The following ITM2B variants were observed in gnomAD, a reference collection of about 807,000 sequenced individuals.
The protein encoded by ITM2B is ABri/ADan amyloid peptide.
A neutral mutation model predicts 27.8 loss-of-function variants in ITM2B; 11 were observed. The ratio of observed to expected loss-of-function variants is 0.40; its 90% confidence interval spans 0.25 to 0.66. The LOEUF is 0.66. ITM2B is among the 30% of genes least tolerant of loss of function. The pLI is 0.43. For missense variants in ITM2B, 296 were observed against 328.9 expected, an observed-to-expected ratio of 0.90 and a Z score of 0.77; for synonymous variants, 114 against 114.3, an observed-to-expected ratio of 1.00 and a Z score of 0.02.
intron 3 of ITM2B, 57 bp downstream of exon 3, chr13:48,256,440 T>C: frequency 7.6e-7 from 1 of 1,312,372 alleles, no homozygotes; most frequent in Non-Finnish European, 1.1e-6. Context: ...TTATGCTTTT[T>C]GTAGTTTTAA....
At position 48,258,727 on chromosome 13, in the gene ITM2B, G is replaced by GTCTTGTT. The variant is rs949370455; in HGVS notation, c.565-66_565-60dup. 7.7e-6 allele frequency: 11 copies of GTCTTGTT among 1,419,578 alleles called. No homozygotes were observed. In the African/African-American group the frequency reaches 1.5e-4, roughly 20 times the overall value. The allele number at this position is 1,419,578 out of a possible 1,614,324, so 87.9% of individuals were successfully genotyped here. On this transcript the variant is annotated intron_variant, in intron 4 of 5. Transcript: ENST00000647800. ...CCATACCATAATGTGTAAGAATTTT[G>GTCTTGTT]TCTTGTTTCTCTAGTCTACTCAGTG... is the stretch of plus-strand genomic sequence containing the variant.
intron 1 of ITM2B, among the ~76,000 whole-genome samples, chr13:48,245,157 C>T (rs1214953526): frequency 1.3e-5 from 2 of 152,140 alleles, no homozygotes; most frequent in East Asian, 3.9e-4. Flanking sequence ...GAGATCCCGT[C>T]TCTACTGAAA....
At chr13:48,251,310 C>T (rs1951754724) in intron 1 of ITM2B, among the ~76,000 whole-genome samples, 1 of 152,208 alleles carries the variant, frequency 6.6e-6, no homozygotes, top group Admixed American at 6.5e-5. Context: ...TGTCCTTTAA[C>T]ATTCCACTAA....
chr13:48,247,949 T>C (rs184386391), intron 1 of ITM2B, among the ~76,000 whole-genome samples: 4 of 152,196 alleles, frequency 2.6e-5, no homozygotes, highest in Admixed American at 2.6e-4. Context: ...CTGTGGGAGT[T>C]CTGTTACCTT....
chr13:48,258,906 A>G lies in ITM2B; in HGVS notation c.674A>G (p.Asp225Gly). 1 of 1,613,588 alleles carries G rather than the reference A, an allele frequency of 6.2e-7. No homozygotes were observed. Among genetic ancestry groups the G allele is most frequent in the Non-Finnish European group, 8.5e-7 (1 of 1,179,538 alleles). Residue 225 changes from aspartate (D) to glycine (G), a missense_variant, in exon 5 of 6, where the codon GAC becomes GGC. Asp to Gly is a moderately conservative substitution (Grantham distance 94). Transcript: ENST00000647800. Reference protein sequence around the residue: ...LGFFIYRLCHDKETYKLQRRE... With the variant: ...LGFFIYRLCHGKETYKLQRRE... ...TTCTTTATTTATCGACTGTGTCATG[A>G]CAAGGAAACTTACAAACTGCAACGC...
In ITM2B at chr13:48,251,716, C is replaced by T. The variant is rs544609124; in HGVS notation, c.118-2092C>T. ...TGGGTGTGTGCGCACATTTGGCTGTCCCAGCAGCTGATACCAAATGTTGGA... is the reference window on the plus strand; with the variant it reads ...TGGGTGTGTGCGCACATTTGGCTGTTCCAGCAGCTGATACCAAATGTTGGA... On this transcript the variant is annotated intron_variant, in intron 1 of 5. Coordinates refer to ENST00000647800, the MANE Select transcript of ITM2B (RefSeq NM_021999.5). Among the ~76,000 whole-genome samples, 76 of 152,216 alleles carry T rather than the reference C, an allele frequency of 5.0e-4. No individual in the cohort carries two copies. The South Asian group carries it at 0.015, about 29-fold the overall frequency.
chr13:48,234,767 A>G (rs1407038859), intron 1 of ITM2B, among the ~76,000 whole-genome samples: 1 of 152,210 alleles, frequency 6.6e-6, no homozygotes, highest in African/African-American at 2.4e-5. Context: ...GCCTTGAAAT[A>G]GGAACAGTGA....
intron 1 of ITM2B, among the ~76,000 whole-genome samples, chr13:48,236,568 G>A (rs7981861): frequency 1.6e-3 from 245 of 152,300 alleles, no homozygotes; most frequent in African/African-American, 5.6e-3. Context: ...GTGAAAAATA[G>A]CAACTACCTC....
At chr13:48,245,097 G>A (rs1239363500) in intron 1 of ITM2B, among the ~76,000 whole-genome samples, 2 of 152,114 alleles carry the variant, frequency 1.3e-5, no homozygotes, top group Non-Finnish European at 2.9e-5. Flanking sequence ...AGGCTGAGGC[G>A]GGCGGATCAC....
At chr13:48,236,782 C>T (rs1054037035) in intron 1 of ITM2B, among the ~76,000 whole-genome samples, 2 of 152,196 alleles carry the variant, frequency 1.3e-5, no homozygotes, top group Non-Finnish European at 2.9e-5. Flanking sequence ...TATGAAACCC[C>T]TTTTCCAGTA....
intron 1 of ITM2B, among the ~76,000 whole-genome samples, chr13:48,236,591 A>G (rs1267990084): frequency 6.6e-6 from 1 of 152,232 alleles, no homozygotes; most frequent in Non-Finnish European, 1.5e-5. Flanking sequence ...CACTCTAACC[A>G]GACTATTCCC....
Position 48,264,483 on chromosome 13 carries a change from A to G in ITM2B, c.*3259A>G, listed in dbSNP as rs9535000. The G allele has an allele frequency of 0.19, 28,631 of 152,138 alleles. 3,171 individuals are homozygous for G. The highest frequency in any genetic ancestry group is 0.25 in the Non-Finnish European group (16,750 of 67,982). The allele number at this position is 152,138 out of a possible 1,614,324, so 9.4% of individuals were successfully genotyped here. A position where few individuals can be genotyped will look rare whatever the true frequency, so the allele number is the denominator to read the frequency against. ...GAAAAGGTCTAGATTCTATGTTTGAATGTGGTTATGAATTAATATGGGCAG... is the reference window on the plus strand; with the variant it reads ...GAAAAGGTCTAGATTCTATGTTTGAGTGTGGTTATGAATTAATATGGGCAG... On this transcript the variant is annotated 3_prime_UTR_variant, in exon 6 of 6. Coordinates refer to ENST00000647800, the MANE Select transcript of ITM2B (RefSeq NM_021999.5).
chr13:48,235,081 G>C (rs1295723615), intron 1 of ITM2B, among the ~76,000 whole-genome samples: 2 of 152,118 alleles, frequency 1.3e-5, no homozygotes, highest in Non-Finnish European at 2.9e-5. Context: ...ATTTAGAAAG[G>C]AGAGAGTGAG....
Position 48,261,515 on chromosome 13 carries a change from T to C in ITM2B, c.*291T>C. 1 of 240,290 alleles carries C rather than the reference T, an allele frequency of 4.2e-6. No individual in the cohort carries two copies. Among genetic ancestry groups the C allele is most frequent in the Non-Finnish European group, 8.1e-6 (1 of 123,494 alleles). 14.9% of individuals were successfully genotyped at this position (240,290 alleles called of 1,614,324 possible). Reference sequence around the variant, plus strand: ...ATTTCTTTAAATCATTTATCTGGATTTTTATGTTTTATTAGCATTTTCAAG... The same window carrying C: ...ATTTCTTTAAATCATTTATCTGGATCTTTATGTTTTATTAGCATTTTCAAG... On this transcript the variant is annotated 3_prime_UTR_variant, in exon 6 of 6. Transcript: ENST00000647800.
intron 1 of ITM2B, among the ~76,000 whole-genome samples, chr13:48,248,472 A>G (rs1347961425): frequency 6.6e-6 from 1 of 152,050 alleles, no homozygotes; most frequent in Non-Finnish European, 1.5e-5. Context: ...ATATGAATCT[A>G]TAATAATTTA....
rs1174551576 is a variant in ITM2B, at chr13:48,261,309, A to C, written c.*85A>C. On this transcript the variant is annotated 3_prime_UTR_variant, in exon 6 of 6. Coordinates refer to ENST00000647800, the MANE Select transcript of ITM2B (RefSeq NM_021999.5). ...ATTTTGTGCAGTGATTATTTTTTAAAGTCTTCTTTCATGTAAGTAGCAAAC... is the reference window on the plus strand; with the variant it reads ...ATTTTGTGCAGTGATTATTTTTTAACGTCTTCTTTCATGTAAGTAGCAAAC... 3.9e-5 allele frequency: 37 copies of C among 958,642 alleles called. No individual in the cohort carries two copies. The highest frequency in any genetic ancestry group is 5.6e-5 in the Non-Finnish European group (33 of 592,904). 59.4% of individuals were successfully genotyped at this position (958,642 alleles called of 1,614,324 possible).
chr13:48,244,219 A>G (rs1473419785), intron 1 of ITM2B, among the ~76,000 whole-genome samples: 2 of 152,250 alleles, frequency 1.3e-5, no homozygotes, highest in East Asian at 1.9e-4. Flanking sequence ...CCAGCTTTCA[A>G]GAAACATTGT....
In ITM2B at chr13:48,263,244, A is replaced by G. The variant is rs760015137; in HGVS notation, c.*2020A>G. ...GCCAGATTGGTCTAACATGGTACCC[A>G]TGATTTTACTTCATTTCCAGTACTA... On this transcript the variant is annotated 3_prime_UTR_variant, in exon 6 of 6. Coordinates refer to ENST00000647800, the MANE Select transcript of ITM2B (RefSeq NM_021999.5). 5 of 152,172 alleles carry G rather than the reference A, an allele frequency of 3.3e-5. No homozygotes were observed. Among genetic ancestry groups the G allele is most frequent in the Admixed American group, 6.5e-5 (1 of 15,270 alleles). The allele number at this position is 152,172 out of a possible 1,614,324, so 9.4% of individuals were successfully genotyped here. A position where few individuals can be genotyped will look rare whatever the true frequency, so the allele number is the denominator to read the frequency against.
intron 1 of ITM2B, among the ~76,000 whole-genome samples, chr13:48,243,136 G>C (rs888369070): frequency 6.8e-5 from 10 of 146,386 alleles, no homozygotes; most frequent in Admixed American, 3.3e-4. Context: ...GATTGATGAG[G>C]CATCCTCTGA....
Sources: gnomAD v4.1 joint callset for allele counts (sites outside exome capture counted in the v4.1 genomes callset) on GRCh38, gnomAD v4.1.1 for gene constraint, MANE v1.5 for transcripts, NCBI Gene and HGNC (gene_info 2026-07-23, HGNC 2026-07-21) for gene names.